The following SLC45A4 variants were observed in gnomAD, a reference collection of about 807,000 sequenced individuals.
SLC45A4 encodes solute carrier family 45 member 4.
SLC45A4 carries 32 observed loss-of-function variants against 63.7 expected under a neutral mutation model. The ratio of observed to expected loss-of-function variants is 0.50; its 90% CI spans 0.38 to 0.67. The LOEUF (loss-of-function observed/expected upper bound fraction) is 0.67, where lower values mean the gene tolerates loss of function less well. Ranked by LOEUF, SLC45A4 falls within the 30% of genes least tolerant of loss-of-function variation. The probability of loss-of-function intolerance (pLI) is 0.00; values close to 1 mark genes in which losing one functional copy is unlikely to be tolerated. For synonymous variants in SLC45A4, 535 were observed against 510.0 expected (o/e 1.05, Z -0.66); for missense variants, 1,027 against 1,157.7 (o/e 0.89, Z 1.64).
intron 1 of SLC45A4, among the ~76,000 whole-genome samples, chr8:141,273,827 G>A (rs369275552): frequency 6.8e-4 from 103 of 152,286 alleles, no homozygotes; most frequent in African/African-American, 2.4e-3. Context: ...CCAATGATAC[G>A]GAGCTCTTTC....
chr8:141,292,682 C>T (rs529051106), intron 1 of SLC45A4: 16 of 153,014 alleles, frequency 1.0e-4, no homozygotes, highest in African/African-American at 3.6e-4. Context: ...TCCTCTCTCT[C>T]TCTCCTTGCA....
At chr8:141,306,394 A>G (rs913991424) in intron 1 of SLC45A4, among the ~76,000 whole-genome samples, 1 of 152,232 alleles carries the variant, frequency 6.6e-6, no homozygotes, top group Non-Finnish European at 1.5e-5. Flanking sequence ...CTCTAGAAAC[A>G]CATGAGTTCT....
chr8:141,222,766 G>T (rs1418529792), intron 2 of SLC45A4, among the ~76,000 whole-genome samples: 1 of 152,226 alleles, frequency 6.6e-6, no homozygotes, highest in Admixed American at 6.5e-5. Context: ...CCTGTCGTGT[G>T]ATGTCCAAAG....
At chr8:141,217,303 G>C (rs1826217607) in intron 5 of SLC45A4, 114 bp from the exon 6 acceptor site, 5 of 1,111,936 alleles carry the variant, frequency 4.5e-6, no homozygotes, top group Non-Finnish European at 6.4e-6. Context: ...GCGGTGACAG[G>C]AAAGTCCCAT....
intron 2 of SLC45A4, chr8:141,224,817 C>T (rs1193853573): frequency 1.3e-5 from 2 of 152,314 alleles, no homozygotes; most frequent in Non-Finnish European, 1.5e-5. Flanking sequence ...AGACATCAGA[C>T]CTTTGAGATC....
Position 141,219,837 on chromosome 8 carries a change from G to A in SLC45A4, c.431-8C>T, listed in dbSNP as rs1426240606. ...CATCGCCGAGGGCCAGACCTGCGCA[G>A]AGCACACGGGAGGGCGGTCAGGTCC... On this transcript the variant is annotated splice_polypyrimidine_tract_variant and splice_region_variant and intron_variant, in intron 3 of 8. Coordinates refer to ENST00000517878, the MANE Select transcript of SLC45A4 (RefSeq NM_001286646.2). The A allele has an allele frequency of 6.4e-7, 1 of 1,562,654 alleles. No homozygotes were observed. Among genetic ancestry groups the A allele is most frequent in the Non-Finnish European group, 8.7e-7 (1 of 1,154,396 alleles).
At chr8:141,247,718 A>C (rs1018091199) in intron 2 of SLC45A4, among the ~76,000 whole-genome samples, 1 of 152,210 alleles carries the variant, frequency 6.6e-6, no homozygotes, top group Non-Finnish European at 1.5e-5. Flanking sequence ...GGCCCAAAAC[A>C]AGTTCCAAAA....
chr8:141,232,289 A>C (rs1176718360), intron 2 of SLC45A4, among the ~76,000 whole-genome samples: 1 of 152,254 alleles, frequency 6.6e-6, no homozygotes, highest in Non-Finnish European at 1.5e-5. Context: ...GGGCTGGTTC[A>C]CGTCCAAGGC....
At position 141,308,285 on chromosome 8, in the gene SLC45A4, C is replaced by A. The variant is rs967547946; in HGVS notation, c.-590G>T. Reference sequence around the variant, plus strand: ...CGGGCGCGGAGAGAGCGCTGCGAGGCTGCGGCCGGCGCGCGGAGACAACGC... The same window carrying A: ...CGGGCGCGGAGAGAGCGCTGCGAGGATGCGGCCGGCGCGCGGAGACAACGC... On this transcript the variant is annotated 5_prime_UTR_variant, in exon 1 of 9. Coordinates refer to ENST00000517878, the MANE Select transcript of SLC45A4 (RefSeq NM_001286646.2). 1 of 147,768 alleles carries A rather than the reference C, an allele frequency of 6.8e-6. No homozygotes were observed. The highest frequency in any genetic ancestry group is 2.4e-5 in the African/African-American group (1 of 41,012). 9.2% of individuals were successfully genotyped at this position (147,768 alleles called of 1,614,324 possible).
At chr8:141,219,078 G>T in intron 4 of SLC45A4, 49 bp from the exon 5 acceptor site, 4 of 1,570,228 alleles carry the variant, frequency 2.5e-6, no homozygotes, top group Non-Finnish European at 3.5e-6. Context: ...CCAGGCCACA[G>T]GGGGGGAAGC....
chr8:141,242,665 G>C (rs879361353), intron 2 of SLC45A4, among the ~76,000 whole-genome samples: 1 of 152,152 alleles, frequency 6.6e-6, no homozygotes, highest in Non-Finnish European at 1.5e-5. Context: ...TGGACAAGTC[G>C]CTGAGTCAAA....
In SLC45A4 at chr8:141,301,005, C is replaced by T. The variant is rs569563663; in HGVS notation, c.-401+7091G>A. ...ACACAGGAGCATCCTGAGGGGCCTC[C>T]GGTGTGGGGAACTCAGAGAGCCGCA... On this transcript the variant is annotated intron_variant, in intron 1 of 8. Transcript: ENST00000517878. 4.6e-5 allele frequency among the ~76,000 whole-genome samples: 7 copies of T among 152,290 alleles called. No individual in the cohort carries two copies. The South Asian group carries it at 8.3e-4, about 18-fold the overall frequency.
In SLC45A4 at chr8:141,255,751, C is replaced by G. The variant is rs1253067744; in HGVS notation, c.-400-1122G>C. On this transcript the variant is annotated intron_variant, in intron 1 of 8. Coordinates refer to ENST00000517878, the MANE Select transcript of SLC45A4 (RefSeq NM_001286646.2). ...AACAAAAACAAACAAACAAAAAAAA[C>G]AAAAAGAAAAGAAAAATGAAAAGTA... is the stretch of plus-strand genomic sequence containing the variant. 3.4e-5 allele frequency among the ~76,000 whole-genome samples: 5 copies of G among 148,776 alleles called. No individual in the cohort carries two copies. In the East Asian group the frequency reaches 9.9e-4, roughly 30 times the overall value.
At chr8:141,235,559 A>G (rs1330999956) in intron 2 of SLC45A4, among the ~76,000 whole-genome samples, 1 of 152,228 alleles carries the variant, frequency 6.6e-6, no homozygotes, top group Non-Finnish European at 1.5e-5. Flanking sequence ...ACAAAGCCAC[A>G]GGGAGCCAGG....
chr8:141,302,377 C>T (rs1418984245), intron 1 of SLC45A4, among the ~76,000 whole-genome samples: 2 of 151,620 alleles, frequency 1.3e-5, no homozygotes, highest in Non-Finnish European at 2.9e-5. Context: ...ACCACCACCA[C>T]CACCCCCATC....
chr8:141,259,635 G>A (rs529649943), intron 1 of SLC45A4, among the ~76,000 whole-genome samples: 12 of 152,242 alleles, frequency 7.9e-5, no homozygotes, highest in East Asian at 1.9e-4. Context: ...CCTTTAGAAC[G>A]GGTGATCCCC....
chr8:141,263,107 C>T (rs933402323), intron 1 of SLC45A4, among the ~76,000 whole-genome samples: 5 of 150,938 alleles, frequency 3.3e-5, no homozygotes, highest in South Asian at 2.1e-4. Flanking sequence ...AGTAAACTAT[C>T]GCAAGGACAA....
At chr8:141,223,770 C>T (rs1826804708) in intron 2 of SLC45A4, among the ~76,000 whole-genome samples, 2 of 152,232 alleles carry the variant, frequency 1.3e-5, no homozygotes, top group Admixed American at 1.3e-4. Flanking sequence ...ACCTCGGCCA[C>T]CCACATGCAC....
At chr8:141,249,297 C>T (rs1367958686) in intron 2 of SLC45A4, among the ~76,000 whole-genome samples, 1 of 152,194 alleles carries the variant, frequency 6.6e-6, no homozygotes, top group Non-Finnish European at 1.5e-5. Context: ...TTTATTATCA[C>T]AGCCTCCAAA....
Sources: gnomAD v4.1 joint callset for allele counts (sites outside exome capture counted in the v4.1 genomes callset) on GRCh38, gnomAD v4.1.1 for gene constraint, MANE v1.5 for transcripts, NCBI Gene and HGNC (gene_info 2026-07-23, HGNC 2026-07-21) for gene names.